Variants in PIK3AP1 observed in about 807,000 individuals in gnomAD.
The protein encoded by PIK3AP1 is phosphoinositide 3-kinase adapter protein 1.
PIK3AP1 carries 21 observed loss-of-function variants against 88.1 expected under a neutral mutation model. The observed-to-expected ratio is 0.24, with a 90% CI of 0.17 to 0.34. The LOEUF (loss-of-function observed/expected upper bound fraction) is 0.34. PIK3AP1 is among the 10% of genes least tolerant of loss of function. The probability of loss-of-function intolerance (pLI) is 1.00; values close to 1 mark genes in which losing one functional copy is unlikely to be tolerated. For missense variants in PIK3AP1, 828 were observed against 1,035.7 expected (o/e 0.80, Z 2.75); for synonymous variants, 398 against 400.0 (o/e 1.00, Z 0.06).
At chr10:96,597,372 CTCTCTTTCTT>C (rs201547680) in intron 16 of PIK3AP1, among the ~76,000 whole-genome samples, 1,702 of 18,814 alleles carry the variant, frequency 0.09, 86 homozygotes, top group Middle Eastern at 0.17. Context: ...CTCTCTCTCT[CTCTCTTTCTT>C]TCTTTCTTTC....
At chr10:96,674,614 TA>T (rs1158519387) in intron 2 of PIK3AP1, among the ~76,000 whole-genome samples, 1 of 152,208 alleles carries the variant, frequency 6.6e-6, no homozygotes, top group Non-Finnish European at 1.5e-5. Flanking sequence ...GAGAAATCAA[TA>T]AATACTTCTT....
chr10:96,717,151 G>C (rs1448941742), intron 1 of PIK3AP1, among the ~76,000 whole-genome samples: 2 of 151,722 alleles, frequency 1.3e-5, no homozygotes, highest in African/African-American at 4.8e-5. Context: ...CCAGCTACTC[G>C]GGAGGCTGAG....
rs1843198118 is a variant in PIK3AP1 at position 96,628,911 on chromosome 10, T to TAC, written c.1376-419_1376-418insGT. Among the ~76,000 whole-genome samples, 4 of 3,178 alleles carry TAC rather than the reference T, an allele frequency of 1.3e-3. No homozygotes were observed. The Admixed American group carries it at 0.017, about 13-fold the overall frequency. The allele number at this position is 3,178 out of a possible 152,430, so 2.1% of individuals were successfully genotyped here. A position where few individuals can be genotyped will look rare whatever the true frequency, so the allele number is the denominator to read the frequency against. On this transcript the variant is annotated intron_variant, in intron 8 of 16. Coordinates refer to ENST00000339364, the MANE Select transcript of PIK3AP1 (RefSeq NM_152309.3). ...ATACATATATATATATATATATGTG[T>TAC]ATATATATATATATATATGGCAAGG...
intron 2 of PIK3AP1, among the ~76,000 whole-genome samples, chr10:96,672,988 C>A (rs551175090): frequency 8.6e-4 from 131 of 152,358 alleles, no homozygotes; most frequent in Middle Eastern, 3.4e-3. Flanking sequence ...GGGCCATGAA[C>A]TGACCGGCCC....
At chr10:96,596,907 A>C (rs1848763192) in intron 16 of PIK3AP1, among the ~76,000 whole-genome samples, 1 of 152,234 alleles carries the variant, frequency 6.6e-6, no homozygotes, top group African/African-American at 2.4e-5. Context: ...TGATTGAATC[A>C]AAGAGTAAAT....
At chr10:96,624,510 A>G (rs1323422546) in intron 10 of PIK3AP1, among the ~76,000 whole-genome samples, 1 of 152,164 alleles carries the variant, frequency 6.6e-6, no homozygotes, top group African/African-American at 2.4e-5. Context: ...TATCCATTTT[A>G]TAGATGAGGA....
chr10:96,663,355 C>T (rs1302676690), intron 2 of PIK3AP1, among the ~76,000 whole-genome samples: 2 of 151,948 alleles, frequency 1.3e-5, no homozygotes, highest in Non-Finnish European at 2.9e-5. Context: ...GCAGGCTGGG[C>T]GCGGTGGCTC....
chr10:96,640,007 AAC>A (rs1482536114), intron 8 of PIK3AP1, among the ~76,000 whole-genome samples: 6 of 152,198 alleles, frequency 3.9e-5, no homozygotes, highest in Admixed American at 2.0e-4. Context: ...AGGTAAAGAA[AAC>A]ACTGCTGGAA....
intron 2 of PIK3AP1, among the ~76,000 whole-genome samples, chr10:96,662,133 C>T (rs1843696210): frequency 6.6e-6 from 1 of 152,092 alleles, no homozygotes; most frequent in South Asian, 2.1e-4. Context: ...AATGCTGTAG[C>T]AGCATCATTC....
intron 5 of PIK3AP1, 26 bp from the exon 6 acceptor site, chr10:96,651,406 G>T: frequency 1.9e-6 from 3 of 1,614,168 alleles, no homozygotes; most frequent in Non-Finnish European, 8.5e-7. Context: ...AAGATGGTCA[G>T]ATCTGAAATC....
intron 2 of PIK3AP1, among the ~76,000 whole-genome samples, chr10:96,661,838 AGGG>A (rs1843692315): frequency 7.6e-6 from 1 of 130,886 alleles, no homozygotes; most frequent in South Asian, 2.3e-4. Context: ...AGGAAAGGAA[AGGG>A]AAAAGGGAAA....
chr10:96,628,885 T>G (rs12412671), intron 8 of PIK3AP1, among the ~76,000 whole-genome samples: 1 of 36,778 alleles, frequency 2.7e-5, no homozygotes, highest in Admixed American at 4.1e-4. Flanking sequence ...CATATATATA[T>G]ATACATATAT....
rs150135770 is a variant in PIK3AP1, at chr10:96,645,609, C to G, written c.1239G>C (p.Glu413Asp). The stretch of plus-strand genomic sequence containing the variant: ...TGGACTCGTACACAGCATCAGCCTC[C>G]TCCCCGTGCATCAGTTCCTCTTTAA... ...SHIKEELMHG[E>D]EADAVYESMA... is the part of the protein sequence containing the mutation. Residue 413 changes from glutamate to aspartate, a missense_variant, in exon 8 of 17, where the codon GAG becomes GAC. Coordinates refer to ENST00000339364, the MANE Select transcript of PIK3AP1 (RefSeq NM_152309.3). 1.2e-6 allele frequency: 2 copies of G among 1,611,606 alleles called. No individual in the cohort carries two copies. The highest frequency in any genetic ancestry group is 1.3e-5 in the African/African-American group (1 of 74,754).
intron 2 of PIK3AP1, chr10:96,669,737 G>A (rs2134252180): frequency 6.6e-6 from 1 of 152,354 alleles, no homozygotes; most frequent in East Asian, 1.9e-4. Context: ...TCCAGCCTGG[G>A]TGACAGAGCA....
chr10:96,718,154 T>C (rs904560922), intron 1 of PIK3AP1, among the ~76,000 whole-genome samples: 1 of 152,074 alleles, frequency 6.6e-6, no homozygotes, highest in African/African-American at 2.4e-5. Flanking sequence ...GAGAGGAGAA[T>C]AAAAGGTTGA....
intron 2 of PIK3AP1, among the ~76,000 whole-genome samples, chr10:96,668,559 G>A (rs1219383286): frequency 6.6e-6 from 1 of 152,126 alleles, no homozygotes; most frequent in Non-Finnish European, 1.5e-5. Flanking sequence ...TTTCAACTGA[G>A]AATTAAGAGC....
rs1589480489 is a variant in PIK3AP1, at chr10:96,604,113, C to G, written c.2171-64G>C. 13 of 1,303,494 alleles carry G rather than the reference C, an allele frequency of 1.0e-5. No homozygotes were observed. The African/African-American group carries it at 1.1e-4, about 11-fold the overall frequency. 80.7% of individuals were successfully genotyped at this position (1,303,494 alleles called of 1,614,324 possible). A position where few individuals can be genotyped will look rare whatever the true frequency, so the allele number is the denominator to read the frequency against. On this transcript the variant is annotated intron_variant, in intron 14 of 16. Coordinates refer to ENST00000339364, the MANE Select transcript of PIK3AP1 (RefSeq NM_152309.3). ...TTTCAGGCTAAAATAAAATAGAGAA[C>G]TCTAGAACTTATTTAGTTTTATTGA...
chr10:96,715,038 A>AC (rs991406716), intron 1 of PIK3AP1, among the ~76,000 whole-genome samples: 3 of 151,384 alleles, frequency 2.0e-5, no homozygotes, highest in Non-Finnish European at 4.4e-5. Context: ...GGGAGAAAAA[A>AC]AAAAGAGTAA....
chr10:96,650,209 G>C (rs1318831048), intron 6 of PIK3AP1, among the ~76,000 whole-genome samples: 1 of 152,170 alleles, frequency 6.6e-6, no homozygotes, highest in Non-Finnish European at 1.5e-5. Context: ...ATACGAAAGA[G>C]AGTCCCCCAG....
Sources: allele counts gnomAD v4.1 joint callset (sites outside exome capture counted in the v4.1 genomes callset), GRCh38; gene constraint gnomAD v4.1.1; transcripts MANE v1.5; gene names NCBI Gene and HGNC (gene_info 2026-07-23, HGNC 2026-07-21).